PCOLCE2: variants seen among roughly 807,000 people sequenced by gnomAD.
PCOLCE2 encodes the protein procollagen C-endopeptidase enhancer 2, also known as procollagen C-proteinase enhancer 2.
A neutral mutation model predicts 47.0 loss-of-function variants in PCOLCE2; 42 were observed. The observed-to-expected ratio is 0.89, with a 90% CI of 0.70 to 1.16. The LOEUF (loss-of-function observed/expected upper bound fraction) is 1.16. Ranked by LOEUF, PCOLCE2 falls within the 50% of genes most tolerant of loss-of-function variation. The pLI is 0.00. For synonymous variants in PCOLCE2, 169 were observed against 191.7 expected (o/e 0.88, Z 0.98); for missense variants, 500 against 526.1 (o/e 0.95, Z 0.49).
chr3:142,823,118 T>G (rs1317835390), intron 7 of PCOLCE2, among the ~76,000 whole-genome samples: 1 of 152,224 alleles, frequency 6.6e-6, no homozygotes, highest in Non-Finnish European at 1.5e-5. Flanking sequence ...GGGGAAATAC[T>G]TGAATTTCTT....
intron 3 of PCOLCE2, among the ~76,000 whole-genome samples, chr3:142,847,825 C>T (rs1337952747): frequency 6.6e-6 from 1 of 152,204 alleles, no homozygotes; most frequent in Non-Finnish European, 1.5e-5. Flanking sequence ...CATGAGCCAC[C>T]ATGCCTGGGC....
rs541281595 is a variant in PCOLCE2 at position 142,883,678 on chromosome 3, C to T, written c.192+3991G>A. On this transcript the variant is annotated intron_variant, in intron 2 of 8. Coordinates refer to ENST00000295992, the MANE Select transcript of PCOLCE2 (RefSeq NM_013363.4). The stretch of plus-strand genomic sequence containing the variant: ...AGGTGATCCACCTGCCTCAGCCTCC[C>T]AACGTATGTCTACTTTTCTTTAAAA... Among the ~76,000 whole-genome samples the T allele has an allele frequency of 1.5e-4, 23 of 150,598 alleles. No homozygotes were observed. The South Asian group carries it at 4.5e-3, about 29-fold the overall frequency.
At chr3:142,862,772 A>G (rs150426939) in intron 2 of PCOLCE2, among the ~76,000 whole-genome samples, 1 of 152,326 alleles carries the variant, frequency 6.6e-6, no homozygotes, top group East Asian at 1.9e-4. Flanking sequence ...AAAGACAGCT[A>G]TACTACCATC....
At chr3:142,878,160 T>C (rs1158310169) in intron 2 of PCOLCE2, among the ~76,000 whole-genome samples, 2 of 152,138 alleles carry the variant, frequency 1.3e-5, no homozygotes, top group Non-Finnish European at 2.9e-5. Context: ...ACTATTTTAT[T>C]ATATGCAGTA....
intron 6 of PCOLCE2, chr3:142,827,576 A>G (rs1937097374): frequency 1.4e-6 from 2 of 1,472,500 alleles, no homozygotes; most frequent in Admixed American, 1.7e-5. Flanking sequence ...CACACTGCCA[A>G]TGTTGAGCTG....
intron 2 of PCOLCE2, among the ~76,000 whole-genome samples, chr3:142,873,348 G>A (rs1243012352): frequency 2.8e-5 from 4 of 145,300 alleles, no homozygotes; most frequent in East Asian, 4.0e-4. Context: ...AGACAAGATC[G>A]CACCATTGCA....
At chr3:142,886,317 G>C (rs377034528) in intron 2 of PCOLCE2, among the ~76,000 whole-genome samples, 1 of 152,052 alleles carries the variant, frequency 6.6e-6, no homozygotes, top group Non-Finnish European at 1.5e-5. Flanking sequence ...GGCACATGAC[G>C]CCTCTGAGCC....
At chr3:142,865,554 G>A (rs1933268947) in intron 2 of PCOLCE2, among the ~76,000 whole-genome samples, 1 of 152,078 alleles carries the variant, frequency 6.6e-6, no homozygotes, top group Middle Eastern at 3.2e-3. Flanking sequence ...CATTGGCTAG[G>A]AACACTGGTT....
intron 5 of PCOLCE2, among the ~76,000 whole-genome samples, chr3:142,836,386 G>A (rs13092560): frequency 0.35 from 52,736 of 152,082 alleles, 9,908 homozygotes; most frequent in Non-Finnish European, 0.42. Context: ...TGCAAGCACA[G>A]TCTGTTAGAA....
chr3:142,871,582 T>C (rs887843700), intron 2 of PCOLCE2, among the ~76,000 whole-genome samples: 16 of 152,192 alleles, frequency 1.1e-4, no homozygotes, highest in Admixed American at 9.2e-4. Flanking sequence ...CTCGATAATG[T>C]GGGTGGCCCT....
chr3:142,827,439 T>C (rs1937094729), intron 6 of PCOLCE2: 1 of 1,561,224 alleles, frequency 6.4e-7, no homozygotes, highest in African/African-American at 1.4e-5. Context: ...CGGGTCTTCT[T>C]GGTCTCAGGG....
chr3:142,873,114 T>C (rs72994577), intron 2 of PCOLCE2, among the ~76,000 whole-genome samples: 15,992 of 152,110 alleles, frequency 0.11, 1,236 homozygotes, highest in African/African-American at 0.22. Flanking sequence ...AAATGTTGGC[T>C]GGGCGCAGTG....
rs565695053 is a variant in PCOLCE2 at position 142,881,293 on chromosome 3, T to C, written c.192+6376A>G. Among the ~76,000 whole-genome samples the C allele has an allele frequency of 3.4e-3, 522 of 152,328 alleles. 4 individuals carry two copies. Among genetic ancestry groups the C allele is most frequent in the African/African-American group, 0.012 (483 of 41,566 alleles). Reference sequence around the variant, plus strand: ...TAGTTAAGACACAAGTTCTTTAGACTTCAATTTCCCCATTTATGAAATGGT... The same window carrying C: ...TAGTTAAGACACAAGTTCTTTAGACCTCAATTTCCCCATTTATGAAATGGT... On this transcript the variant is annotated intron_variant, in intron 2 of 8. Transcript: ENST00000295992.
intron 2 of PCOLCE2, among the ~76,000 whole-genome samples, chr3:142,883,481 A>G (rs1195862091): frequency 6.6e-6 from 1 of 151,602 alleles, no homozygotes; most frequent in African/African-American, 2.4e-5. Flanking sequence ...GTGCAATGGC[A>G]TGATCTCGGC....
At chr3:142,879,694 G>A (rs1319164933) in intron 2 of PCOLCE2, among the ~76,000 whole-genome samples, 2 of 152,282 alleles carry the variant, frequency 1.3e-5, no homozygotes, top group East Asian at 3.9e-4. Flanking sequence ...TTTTGGCCGG[G>A]CACGGTGGCT....
intron 2 of PCOLCE2, among the ~76,000 whole-genome samples, chr3:142,858,735 A>ATGTGTG (rs113491195): frequency 1.8e-4 from 25 of 140,478 alleles, no homozygotes; most frequent in African/African-American, 5.2e-4. Flanking sequence ...GTGTGTGTGT[A>ATGTGTG]TGTGTGTGTG....
intron 2 of PCOLCE2, among the ~76,000 whole-genome samples, chr3:142,858,217 G>A (rs1445702635): frequency 6.6e-6 from 1 of 152,178 alleles, no homozygotes; most frequent in Non-Finnish European, 1.5e-5. Flanking sequence ...ACAGGTGTCT[G>A]CAGTGTGCAC....
Position 142,887,765 on chromosome 3 carries a change from T to C in PCOLCE2, c.96A>G (p.Thr32=). 6.3e-7 allele frequency: 1 copy of C among 1,588,982 alleles called. No individual in the cohort carries two copies. Among genetic ancestry groups the C allele is most frequent in the South Asian group, 1.1e-5 (1 of 90,548 alleles). The part of the protein sequence containing the change: ...RQQSPERPVF[T]CGGILTGESG... ...ACTCTCCAGTAAGAATGCCACCACA[T>C]GTGAAAACAGGTCTGGGAACATAAA... Residue 32 remains threonine, a synonymous_variant, in exon 2 of 9, where the codon ACA becomes ACG. Coordinates refer to ENST00000295992, the MANE Select transcript of PCOLCE2 (RefSeq NM_013363.4).
chr3:142,885,722 TG>T (rs1301230680), intron 2 of PCOLCE2, among the ~76,000 whole-genome samples: 2 of 152,246 alleles, frequency 1.3e-5, no homozygotes, highest in African/African-American at 4.8e-5. Flanking sequence ...TTGGTCTCTC[TG>T]CCTCTACTCT....
Sources: allele counts gnomAD v4.1 joint callset (sites outside exome capture counted in the v4.1 genomes callset), GRCh38; gene constraint gnomAD v4.1.1; transcripts MANE v1.5; gene names NCBI Gene and HGNC (gene_info 2026-07-23, HGNC 2026-07-21).